The following ACOT12 variants were observed in gnomAD, a reference collection of about 807,000 sequenced individuals.
The protein encoded by ACOT12 is acyl-CoA thioesterase 12, also known as acetyl-coenzyme A thioesterase.
In ACOT12, 51 loss-of-function variants were observed where a neutral mutation model predicts 67.7. The observed-to-expected ratio is 0.75, with a 90% CI of 0.60 to 0.95. ACOT12 has a LOEUF of 0.95. Among genes scored for constraint, ACOT12 ranks in the 40% least tolerant of loss-of-function variants. The probability of loss-of-function intolerance (pLI) is 0.00; values close to 1 mark genes in which losing one functional copy is unlikely to be tolerated. For synonymous variants in ACOT12, 251 were observed against 244.6 expected (o/e 1.03, Z -0.24); for missense variants, 734 against 708.1 (o/e 1.04, Z -0.41).
chr5:81,366,135 G>A (rs143875194), intron 3 of ACOT12, among the ~76,000 whole-genome samples: 44 of 152,278 alleles, frequency 2.9e-4, no homozygotes, highest in African/African-American at 1.0e-3. Context: ...AGGGGCTAAA[G>A]TAGCCCTAAA....
chr5:81,369,781 A>G (rs556591483), intron 3 of ACOT12, among the ~76,000 whole-genome samples: 3 of 152,204 alleles, frequency 2.0e-5, no homozygotes, highest in African/African-American at 7.2e-5. Context: ...GGTTTTATCT[A>G]TATTTGGACT....
At chr5:81,325,176 C>T (rs1035218139), downstream of ACOT12, among the ~76,000 whole-genome samples, 12 of 152,094 alleles carry the variant, frequency 7.9e-5, no homozygotes, top group Non-Finnish European at 1.8e-4. Flanking sequence ...GTGAAAGGCG[C>T]ATGGATGGGA....
At chr5:81,355,238 G>A (rs1215942804) in intron 5 of ACOT12, among the ~76,000 whole-genome samples, 1 of 152,122 alleles carries the variant, frequency 6.6e-6, no homozygotes, top group Non-Finnish European at 1.5e-5. Context: ...CTCATTTAAT[G>A]CTCCCATAAA....
rs1388455619 is a variant in ACOT12, at chr5:81,332,548, A to G, written c.1320T>C (p.Cys440=). The G allele has an allele frequency of 6.2e-6, 10 of 1,613,970 alleles. No individual in the cohort carries two copies. Among genetic ancestry groups the G allele is most frequent in the Non-Finnish European group, 8.5e-6 (10 of 1,179,996 alleles). The change falls in exon 13 of 15, where the codon TGT becomes TGC. Residue 440 remains cysteine, a synonymous_variant. Coordinates refer to ENST00000307624, the MANE Select transcript of ACOT12 (RefSeq NM_130767.3). The stretch of plus-strand genomic sequence containing the variant: ...TGGGTTTGTCATCATTCAGTATAGG[A>G]CAGGTGATGTGATACAGCTGATCAT... ...SEDDQLYHIT[C]PILNDDKPKD... is the part of the protein sequence containing the mutation.
intron 1 of ACOT12, 66 bp downstream of exon 1, chr5:81,393,922 C>T (rs953466818): frequency 1.3e-5 from 16 of 1,275,940 alleles, no homozygotes; most frequent in Non-Finnish European, 1.6e-5. Flanking sequence ...CCCCCCCCAG[C>T]CCCCAGCCGC....
At chr5:81,371,425 T>G (rs1391679105) in intron 3 of ACOT12, among the ~76,000 whole-genome samples, 2 of 151,998 alleles carry the variant, frequency 1.3e-5, no homozygotes, top group Non-Finnish European at 1.5e-5. Flanking sequence ...CTAATTTTTT[T>G]TTTTCTTCTT....
chr5:81,317,811 A>G, the ACOT12 span, among the ~76,000 whole-genome samples: 461 of 152,284 alleles, frequency 3.0e-3, 4 homozygotes, highest in African/African-American at 0.011. Flanking sequence ...AGGTGGGGAC[A>G]TAGAGCCAAA....
chr5:81,324,156 G>A, the ACOT12 span, among the ~76,000 whole-genome samples: 1 of 151,786 alleles, frequency 6.6e-6, no homozygotes, highest in Admixed American at 6.6e-5. Flanking sequence ...GGCCAGGATG[G>A]TCTCGAACTC....
chr5:81,375,663 G>C (rs1457835408), intron 2 of ACOT12, among the ~76,000 whole-genome samples: 2 of 126,152 alleles, frequency 1.6e-5, no homozygotes, highest in African/African-American at 5.8e-5. Context: ...CAAATGGAAA[G>C]AAAAAAAAAA....
chr5:81,330,668 T>A, intron 14 of ACOT12, 125 bp from the exon 15 acceptor site: 1 of 1,473,596 alleles, frequency 6.8e-7, no homozygotes, highest in Non-Finnish European at 9.1e-7. Context: ...CCTTCTGGAA[T>A]AGATGATCCG....
the ACOT12 span, among the ~76,000 whole-genome samples, chr5:81,313,838 G>A: frequency 6.6e-6 from 1 of 152,180 alleles, no homozygotes; most frequent in Non-Finnish European, 1.5e-5. Context: ...AGTGTGAGAG[G>A]AAAACATGAC....
chr5:81,393,938 C>A, intron 1 of ACOT12, 50 bp downstream of exon 1: 2 of 1,291,124 alleles, frequency 1.5e-6, no homozygotes, highest in East Asian at 3.3e-5. Flanking sequence ...GCCGCCGCCG[C>A]TCCCGCAGCC....
intron 8 of ACOT12, 30 bp downstream of exon 8, chr5:81,344,861 G>T (rs921611158): frequency 1.9e-6 from 3 of 1,612,612 alleles, no homozygotes; most frequent in Non-Finnish European, 2.5e-6. Flanking sequence ...CACAGGTCCG[G>T]CTATTGAACC....
At chr5:81,338,987 A>G (rs925603928) in intron 11 of ACOT12, among the ~76,000 whole-genome samples, 2 of 152,182 alleles carry the variant, frequency 1.3e-5, no homozygotes, top group Admixed American at 1.3e-4. Context: ...AGGCTGAGGC[A>G]CGAGAATCCC....
Position 81,330,446 on chromosome 5 carries a change from C to A in ACOT12, c.1616G>T (p.Cys539Phe). The stretch of plus-strand genomic sequence containing the variant: ...AGGAGGATTCTCTAAGAACTGTATA[C>A]AAGAGGCTGCTGTTTCTTCAATGGA... ...SKSIEETAAS[C>F]IQFLENPPDD... The change falls in exon 15 of 15, where the codon TGT becomes TTT. Residue 539 changes from cysteine (C) to phenylalanine (F), a missense_variant. Cys to Phe is a radical substitution (Grantham distance 205, BLOSUM62 -2). Coordinates refer to ENST00000307624, the MANE Select transcript of ACOT12 (RefSeq NM_130767.3). 1 of 1,614,122 alleles carries A rather than the reference C, an allele frequency of 6.2e-7. No homozygotes were observed. The highest frequency in any genetic ancestry group is 1.1e-5 in the South Asian group (1 of 91,074).
chr5:81,382,322 G>A (rs1387053868), intron 2 of ACOT12, among the ~76,000 whole-genome samples: 3 of 152,128 alleles, frequency 2.0e-5, no homozygotes, highest in African/African-American at 4.8e-5. Context: ...GGACTCCTTG[G>A]AGAAATAATG....
At chr5:81,385,190 T>C (rs143213903) in intron 2 of ACOT12, among the ~76,000 whole-genome samples, 82 of 152,288 alleles carry the variant, frequency 5.4e-4, no homozygotes, top group Middle Eastern at 3.4e-3. Flanking sequence ...GGCTCACTCC[T>C]GTAATCCCAG....
At chr5:81,393,915 C>G (rs1015184502) in intron 1 of ACOT12, 73 bp downstream of exon 1, 81 of 1,268,446 alleles carry the variant, frequency 6.4e-5, no homozygotes, top group East Asian at 3.0e-4. Context: ...CTTCCTACCC[C>G]CCCCAGCCCC....
intron 2 of ACOT12, among the ~76,000 whole-genome samples, chr5:81,383,124 G>T (rs1424748322): frequency 6.6e-6 from 1 of 152,104 alleles, no homozygotes; most frequent in East Asian, 1.9e-4. Context: ...GCCGGGCGTG[G>T]TGGCAGGCGC....
Sources: allele counts gnomAD v4.1 joint callset (sites outside exome capture counted in the v4.1 genomes callset), GRCh38; gene constraint gnomAD v4.1.1; transcripts MANE v1.5; gene names NCBI Gene and HGNC (gene_info 2026-07-23, HGNC 2026-07-21).